NBAS: variants seen among roughly 807,000 people sequenced by gnomAD.
The protein encoded by NBAS is NAG/BC035112 fusion.
NBAS carries 219 observed loss-of-function variants against 302.5 expected under a neutral mutation model. The ratio of observed to expected loss-of-function variants is 0.72; its 90% CI spans 0.65 to 0.81. NBAS has a LOEUF of 0.81. NBAS is among the 30% of genes least tolerant of loss of function. The pLI is 0.00. For synonymous variants in NBAS, 1,118 were observed against 1,021.6 expected (o/e 1.09, Z -1.80); for missense variants, 2,932 against 2,841.6 (o/e 1.03, Z -0.72).
At chr2:15,152,010 C>T in the NBAS span, among the ~76,000 whole-genome samples, 36 of 152,070 alleles carry the variant, frequency 2.4e-4, no homozygotes, top group African/African-American at 7.5e-4. Context: ...ACCATGCCCA[C>T]CTAATTTTTG....
chr2:15,135,826 C>G, the NBAS span, among the ~76,000 whole-genome samples: 2 of 149,498 alleles, frequency 1.3e-5, no homozygotes, highest in Non-Finnish European at 3.0e-5. Context: ...TTGTCTTGGG[C>G]CACACATAAA....
At chr2:15,522,628 G>C (rs1662726273) in intron 9 of NBAS, among the ~76,000 whole-genome samples, 1 of 152,052 alleles carries the variant, frequency 6.6e-6, no homozygotes, top group Non-Finnish European at 1.5e-5. Flanking sequence ...ATATAGAATA[G>C]GTAAGGGAAA....
chr2:15,022,861 T>C, the NBAS span, among the ~76,000 whole-genome samples: 1 of 152,192 alleles, frequency 6.6e-6, no homozygotes, highest in African/African-American at 2.4e-5. Flanking sequence ...TTAAAAATCA[T>C]TTTTATTATT....
rs116199529 is a variant in NBAS, at chr2:15,506,344, T to G, written c.886-2131A>C. The stretch of plus-strand genomic sequence containing the variant: ...TTAAACTCAGCATGATCAACTCCAA[T>G]ATCCTAGGAAGCTATCAGATTTCAA... On this transcript the variant is annotated intron_variant, in intron 10 of 51. Transcript: ENST00000281513. Among the ~76,000 whole-genome samples the G allele has an allele frequency of 6.0e-3, 914 of 152,168 alleles. 7 individuals are homozygous for G. Among genetic ancestry groups the G allele is most frequent in the African/African-American group, 0.019 (804 of 41,520 alleles).
the NBAS span, among the ~76,000 whole-genome samples, chr2:15,098,488 G>A: frequency 3.3e-5 from 3 of 90,718 alleles, no homozygotes; most frequent in Admixed American, 1.4e-4. Context: ...GTTATATATT[G>A]TATATAATAT....
At chr2:15,444,808 G>GA (rs1486336007) in intron 21 of NBAS, among the ~76,000 whole-genome samples, 2 of 151,874 alleles carry the variant, frequency 1.3e-5, no homozygotes, top group Non-Finnish European at 2.9e-5. Context: ...AAATTTACAA[G>GA]AAAAAAACAA....
chr2:15,037,811 A>T, the NBAS span, among the ~76,000 whole-genome samples: 4 of 151,980 alleles, frequency 2.6e-5, no homozygotes, highest in Admixed American at 2.6e-4. Context: ...ATTTACATAG[A>T]AACAGTAAAA....
At chr2:15,247,163 G>C (rs1014498978) in intron 44 of NBAS, among the ~76,000 whole-genome samples, 21 of 152,184 alleles carry the variant, frequency 1.4e-4, no homozygotes, top group African/African-American at 4.6e-4. Flanking sequence ...TTACGGGAAA[G>C]GTGTCCAGAT....
chr2:15,179,543 T>C (rs990864356), intron 50 of NBAS: 1 of 164,376 alleles, frequency 6.1e-6, no homozygotes, highest in African/African-American at 2.4e-5. Context: ...ACGCTCAGCA[T>C]ATAGTGGAGG....
chr2:15,068,567 T>C, the NBAS span, among the ~76,000 whole-genome samples: 1 of 148,788 alleles, frequency 6.7e-6, no homozygotes, highest in Admixed American at 6.9e-5. Flanking sequence ...AGACAATGTC[T>C]TAATCATCTT....
At chr2:14,948,324 C>T in the NBAS span, among the ~76,000 whole-genome samples, 2 of 152,008 alleles carry the variant, frequency 1.3e-5, no homozygotes, top group Non-Finnish European at 2.9e-5. Context: ...AGCAGTGAAC[C>T]TATCAGGTCC....
intron 35 of NBAS, among the ~76,000 whole-genome samples, chr2:15,346,848 G>T (rs1362709332): frequency 2.6e-5 from 4 of 152,190 alleles, no homozygotes; most frequent in Non-Finnish European, 4.4e-5. Flanking sequence ...CATGACCTTT[G>T]CAGGGACATA....
the NBAS span, among the ~76,000 whole-genome samples, chr2:14,896,496 A>G: frequency 2.0e-5 from 3 of 152,128 alleles, no homozygotes; most frequent in African/African-American, 7.2e-5. Context: ...TATGGGGGGA[A>G]TGGCTCCATA....
chr2:14,835,640 T>C, the NBAS span, among the ~76,000 whole-genome samples: 1,092 of 152,140 alleles, frequency 7.2e-3, 12 homozygotes, highest in African/African-American at 0.025. Flanking sequence ...TTGTGTTCAA[T>C]GTATTTCCAA....
the NBAS span, among the ~76,000 whole-genome samples, chr2:15,097,781 GA>G: frequency 6.7e-6 from 1 of 150,244 alleles, no homozygotes; most frequent in Admixed American, 6.8e-5. Context: ...AAATGAATTT[GA>G]GGGGGACACC....
intron 24 of NBAS, among the ~76,000 whole-genome samples, chr2:15,416,676 G>A (rs185778398): frequency 6.6e-6 from 1 of 151,926 alleles, no homozygotes; most frequent in African/African-American, 2.4e-5. Context: ...TGTGGTGGCA[G>A]GCGCCTGTAA....
At chr2:15,471,611 T>C (rs369965903) in intron 16 of NBAS, among the ~76,000 whole-genome samples, 41 of 152,246 alleles carry the variant, frequency 2.7e-4, no homozygotes, top group African/African-American at 9.4e-4. Flanking sequence ...TTAAAACATA[T>C]AGGCTTGCTA....
At chr2:15,494,172 T>C (rs1286033910) in intron 11 of NBAS, among the ~76,000 whole-genome samples, 6 of 152,202 alleles carry the variant, frequency 3.9e-5, no homozygotes, top group Non-Finnish European at 7.3e-5. Flanking sequence ...TTCACATTCC[T>C]CGTTTTTATT....
intron 47 of NBAS, among the ~76,000 whole-genome samples, chr2:15,219,311 TTTTTC>T (rs1428801712): frequency 6.6e-6 from 1 of 151,256 alleles, no homozygotes; most frequent in Non-Finnish European, 1.5e-5. Flanking sequence ...TAATTTTTTT[TTTTTC>T]TTTTCTTTTT....
Sources: gnomAD v4.1 joint callset for allele counts (sites outside exome capture counted in the v4.1 genomes callset) on GRCh38, gnomAD v4.1.1 for gene constraint, MANE v1.5 for transcripts, NCBI Gene and HGNC (gene_info 2026-07-23, HGNC 2026-07-21) for gene names.